Variants in NELL2 observed in about 807,000 individuals in gnomAD.
NELL2 encodes the protein neural EGFL like 2.
In NELL2, 41 loss-of-function variants were observed where a neutral mutation model predicts 109.6. That is an observed-to-expected ratio of 0.37 (90% CI 0.29 to 0.49). NELL2 has a LOEUF of 0.49. Among genes scored for constraint, NELL2 ranks in the 20% least tolerant of loss-of-function variants. NELL2 has a pLI of 0.98. For synonymous variants in NELL2, 355 were observed against 344.7 expected (o/e 1.03, Z -0.33); for missense variants, 900 against 1,008.3 (o/e 0.89, Z 1.45).
chr12:44,816,005 T>C lies in NELL2; in HGVS notation c.316A>G (p.Ile106Val), dbSNP rs763071915. 6 of 1,611,918 alleles carry C rather than the reference T, an allele frequency of 3.7e-6. No homozygotes were observed. Among genetic ancestry groups the C allele is most frequent in the East Asian group, 2.2e-5 (1 of 44,744 alleles). The stretch of plus-strand genomic sequence containing the variant: ...ATTTACCTGTGATCCAAGTGGTGAA[T>C]TGAGAGAATAACTCCTGAATTTAAG... The part of the protein sequence containing the change: ...THLNSGVILS[I>V]HHLDHRYLEL... The change falls in exon 3 of 20, where the codon ATT becomes GTT. Residue 106 changes from isoleucine (I) to valine (V), a missense_variant. Physicochemically the swap from Ile to Val is conservative, Grantham distance 29. Coordinates refer to ENST00000429094, the MANE Select transcript of NELL2 (RefSeq NM_001145108.2).
intron 2 of NELL2, among the ~76,000 whole-genome samples, chr12:44,833,823 A>G (rs1189204383): frequency 1.3e-5 from 2 of 152,304 alleles, no homozygotes; most frequent in Non-Finnish European, 2.9e-5. Flanking sequence ...CACAGTCCAT[A>G]CTAATTACCA....
intron 15 of NELL2, among the ~76,000 whole-genome samples, chr12:44,550,893 T>C (rs938338457): frequency 6.6e-6 from 1 of 152,180 alleles, no homozygotes; most frequent in African/African-American, 2.4e-5. Flanking sequence ...ATGGTTAAAC[T>C]GTGCAAAGTT....
chr12:44,657,521 T>C (rs947945818), intron 13 of NELL2, among the ~76,000 whole-genome samples: 1 of 152,184 alleles, frequency 6.6e-6, no homozygotes, highest in Non-Finnish European at 1.5e-5. Flanking sequence ...GGGATACATG[T>C]GCAGAACGTG....
At chr12:44,614,443 T>A (rs374774800) in intron 13 of NELL2, among the ~76,000 whole-genome samples, 15 of 152,116 alleles carry the variant, frequency 9.9e-5, no homozygotes, top group African/African-American at 3.6e-4. Context: ...TTAGAAAATA[T>A]TTTTCCCTGT....
chr12:44,838,491 C>T (rs1360864718), intron 2 of NELL2, among the ~76,000 whole-genome samples: 1 of 152,010 alleles, frequency 6.6e-6, no homozygotes, highest in Non-Finnish European at 1.5e-5. Context: ...AGTTATTTAA[C>T]CTCACTGGGC....
In NELL2 at chr12:44,725,393, C is replaced by T. The variant is rs568252915; in HGVS notation, c.995-10652G>A. Among the ~76,000 whole-genome samples, 17 of 152,180 alleles carry T rather than the reference C, an allele frequency of 1.1e-4. No homozygotes were observed. The South Asian group carries it at 2.7e-3, about 24-fold the overall frequency. ...TTGCAGAGAAAAGGGAATGATTATA[C>T]GCTGTTGGTGGGAGTGTAAATTAGT... On this transcript the variant is annotated intron_variant, in intron 9 of 19. Coordinates refer to ENST00000429094, the MANE Select transcript of NELL2 (RefSeq NM_001145108.2).
Position 44,875,880 on chromosome 12 carries a change from A to T in NELL2, c.-11T>A. On this transcript the variant is annotated 5_prime_UTR_variant, in exon 1 of 20. Coordinates refer to ENST00000429094, the MANE Select transcript of NELL2 (RefSeq NM_001145108.2). ...GACCCGAGACTCCATGGTGCGGATC[A>T]GCTCAGTCCATCGTCTCCCTCTTTA... 6.2e-7 allele frequency: 1 copy of T among 1,614,054 alleles called. No individual in the cohort carries two copies. The highest frequency in any genetic ancestry group is 8.5e-7 in the Non-Finnish European group (1 of 1,180,044).
intron 2 of NELL2, among the ~76,000 whole-genome samples, chr12:44,837,639 T>A (rs1478548772): frequency 6.6e-6 from 1 of 152,152 alleles, no homozygotes; most frequent in East Asian, 1.9e-4. Context: ...TAGCTGTAGA[T>A]CTCAATAGCT....
intron 13 of NELL2, among the ~76,000 whole-genome samples, chr12:44,627,292 T>C (rs1269986061): frequency 4.6e-5 from 7 of 152,204 alleles, no homozygotes; most frequent in East Asian, 1.9e-4. Flanking sequence ...ATTCAAGCAT[T>C]ATGGATGCAT....
intron 9 of NELL2, among the ~76,000 whole-genome samples, chr12:44,748,504 T>C (rs1459942738): frequency 1.3e-5 from 2 of 152,180 alleles, no homozygotes; most frequent in African/African-American, 4.8e-5. Flanking sequence ...CTTACAACAC[T>C]AATTATTATT....
chr12:44,654,441 C>G (rs1341775435), intron 13 of NELL2, among the ~76,000 whole-genome samples: 1 of 152,140 alleles, frequency 6.6e-6, no homozygotes, highest in Non-Finnish European at 1.5e-5. Context: ...TAAAATGGTC[C>G]CCTCTGATAT....
intron 12 of NELL2, among the ~76,000 whole-genome samples, chr12:44,689,639 C>A (rs988102743): frequency 1.3e-5 from 2 of 152,196 alleles, no homozygotes; most frequent in Admixed American, 6.5e-5. Context: ...TCACATACAA[C>A]CATGCTCCTT....
chr12:44,771,893 G>C (rs1941566419), intron 9 of NELL2, among the ~76,000 whole-genome samples: 1 of 152,194 alleles, frequency 6.6e-6, no homozygotes, highest in South Asian at 2.1e-4. Flanking sequence ...ATTAAAGGAA[G>C]AGCACCAAAA....
At chr12:44,737,110 A>C (rs935114786) in intron 9 of NELL2, among the ~76,000 whole-genome samples, 1 of 152,068 alleles carries the variant, frequency 6.6e-6, no homozygotes, top group African/African-American at 2.4e-5. Context: ...ATTATGTAAA[A>C]ATTCAAAATA....
At chr12:44,826,929 T>C (rs906388844) in intron 2 of NELL2, among the ~76,000 whole-genome samples, 2 of 152,194 alleles carry the variant, frequency 1.3e-5, no homozygotes, top group African/African-American at 4.8e-5. Context: ...AATAAATAAA[T>C]TGCACTTGAT....
At chr12:44,847,567 G>GAA (rs5797920) in intron 2 of NELL2, among the ~76,000 whole-genome samples, 5,850 of 142,858 alleles carry the variant, frequency 0.041, 275 homozygotes, top group East Asian at 0.18. Context: ...AGAAATGGGG[G>GAA]AAAAAAAAAA....
chr12:44,542,528 C>T (rs1411721084), intron 15 of NELL2, among the ~76,000 whole-genome samples: 1 of 151,988 alleles, frequency 6.6e-6, no homozygotes, highest in Non-Finnish European at 1.5e-5. Flanking sequence ...AGAATATGAC[C>T]TTATTTAGAG....
intron 12 of NELL2, among the ~76,000 whole-genome samples, chr12:44,669,719 G>A (rs1948072159): frequency 6.6e-6 from 1 of 152,030 alleles, no homozygotes; most frequent in Admixed American, 6.5e-5. Context: ...AAATAAAACA[G>A]AATAAGAAGA....
rs191621249 is a variant in NELL2, at chr12:44,887,078, T to C, written c.39-11178A>G. Among the ~76,000 whole-genome samples, 34 of 152,236 alleles carry C rather than the reference T, an allele frequency of 2.2e-4. 1 individual carries two copies. Among genetic ancestry groups the C allele is most frequent in the East Asian group, 1.5e-3 (8 of 5,196 alleles). On this transcript the variant is annotated intron_variant, in intron 1 of 20. Coordinates refer to the NELL2 transcript ENST00000333837. The stretch of plus-strand genomic sequence containing the variant: ...TACTGTGAATAGTGCTGAATGAGCA[T>C]GGGAGTGCGTATGCCTTTTTGATAT...
Sources: allele counts gnomAD v4.1 joint callset (sites outside exome capture counted in the v4.1 genomes callset), GRCh38; gene constraint gnomAD v4.1.1; transcripts MANE v1.5; gene names NCBI Gene and HGNC (gene_info 2026-07-23, HGNC 2026-07-21).